Variants in GRID2 observed in about 807,000 individuals in gnomAD.
GRID2 encodes the protein glutamate ionotropic receptor delta type subunit 2.
Under a neutral mutation model 114.8 loss-of-function variants are expected in GRID2, and 33 were observed. The ratio of observed to expected loss-of-function variants is 0.29; its 90% CI spans 0.22 to 0.38. The LOEUF (loss-of-function observed/expected upper bound fraction) is 0.38. GRID2 is among the 10% of genes least tolerant of loss of function. The pLI is 1.00. For missense variants in GRID2, 1,184 were observed against 1,257.7 expected, an observed-to-expected ratio of 0.94 and a Z score of 0.89; for synonymous variants, 505 against 449.9, an observed-to-expected ratio of 1.12 and a Z score of -1.55.
At chr4:93,336,865 T>C (rs770970648) in intron 8 of GRID2, among the ~76,000 whole-genome samples, 3 of 152,092 alleles carry the variant, frequency 2.0e-5, no homozygotes, top group Admixed American at 6.5e-5. Context: ...GTTTGGTTCT[T>C]TATTTTTATT....
intron 14 of GRID2, among the ~76,000 whole-genome samples, chr4:93,694,350 C>T (rs1051622452): frequency 2.0e-5 from 3 of 152,148 alleles, no homozygotes; most frequent in African/African-American, 4.8e-5. Context: ...ATCAAGGTCT[C>T]ATTTAGCCTT....
chr4:93,281,335 C>G (rs1257258875), intron 8 of GRID2, among the ~76,000 whole-genome samples: 1 of 151,394 alleles, frequency 6.6e-6, no homozygotes, highest in African/African-American at 2.4e-5. Flanking sequence ...CCTTGAGTAA[C>G]GAAGACAAGG....
At chr4:92,506,863 C>G (rs1294072619) in intron 1 of GRID2, among the ~76,000 whole-genome samples, 2 of 151,940 alleles carry the variant, frequency 1.3e-5, no homozygotes, top group African/African-American at 4.8e-5. Flanking sequence ...TTGGCGTCAT[C>G]AGTTTCTGAA....
At chr4:93,301,472 G>A (rs992975764) in intron 8 of GRID2, among the ~76,000 whole-genome samples, 4 of 152,054 alleles carry the variant, frequency 2.6e-5, no homozygotes, top group African/African-American at 9.7e-5. Context: ...TTAGTAAAGA[G>A]ACTAAAAGCA....
At chr4:93,083,629 G>A (rs1274055097) in intron 2 of GRID2, among the ~76,000 whole-genome samples, 1 of 148,988 alleles carries the variant, frequency 6.7e-6, no homozygotes, top group Non-Finnish European at 1.5e-5. Context: ...CCAGGATGCG[G>A]AAGTTGCTGT....
At chr4:93,667,485 A>C (rs1724052983) in intron 14 of GRID2, among the ~76,000 whole-genome samples, 1 of 151,800 alleles carries the variant, frequency 6.6e-6, no homozygotes, top group African/African-American at 2.4e-5. Flanking sequence ...CCTTTGAAAA[A>C]GCATAATTCT....
chr4:93,646,077 C>T (rs1560855992), intron 14 of GRID2, among the ~76,000 whole-genome samples: 1 of 152,040 alleles, frequency 6.6e-6, no homozygotes, highest in African/African-American at 2.4e-5. Flanking sequence ...TTTGATTTAT[C>T]TAGAGATAAA....
At chr4:93,214,429 C>T (rs1263196166) in intron 5 of GRID2, among the ~76,000 whole-genome samples, 4 of 151,922 alleles carry the variant, frequency 2.6e-5, no homozygotes, top group East Asian at 1.9e-4. Context: ...TTTTGAAATG[C>T]GCAAGTAAAG....
At chr4:92,955,098 C>G (rs1304410056) in intron 2 of GRID2, among the ~76,000 whole-genome samples, 3 of 114,760 alleles carry the variant, frequency 2.6e-5, no homozygotes, top group African/African-American at 1.2e-4. Context: ...GTCTTTATAG[C>G]AGCATGATTT....
At chr4:92,875,005 A>G (rs1325769359) in intron 2 of GRID2, among the ~76,000 whole-genome samples, 1 of 152,172 alleles carries the variant, frequency 6.6e-6, no homozygotes, top group Non-Finnish European at 1.5e-5. Flanking sequence ...CCATAAAATC[A>G]GTAACATTTT....
chr4:92,903,387 C>A (rs1332798598), intron 2 of GRID2, among the ~76,000 whole-genome samples: 3 of 151,780 alleles, frequency 2.0e-5, no homozygotes, highest in African/African-American at 4.8e-5. Flanking sequence ...TTTCCATAAC[C>A]TTTTTTCTTA....
At chr4:93,039,921 G>T (rs116459041) in intron 2 of GRID2, among the ~76,000 whole-genome samples, 52 of 152,198 alleles carry the variant, frequency 3.4e-4, no homozygotes, top group African/African-American at 1.3e-3. Flanking sequence ...GCAAAAAGTT[G>T]GGCTACATAA....
chr4:93,617,620 A>AT lies in GRID2; in HGVS notation c.2194-8647dup, dbSNP rs1313997871. On this transcript the variant is annotated intron_variant, in intron 13 of 15. Transcript: ENST00000282020. ...ATATTCGGGTCATGCTGGCATTGGT[A>AT]TTATAATCATTCTCATTTTTATTAT... Among the ~76,000 whole-genome samples the AT allele has an allele frequency of 3.9e-5, 6 of 152,162 alleles. No homozygotes were observed. In the East Asian group the frequency reaches 1.2e-3, roughly 29 times the overall value.
At chr4:93,356,335 T>C (rs910359779) in intron 8 of GRID2, among the ~76,000 whole-genome samples, 2 of 152,054 alleles carry the variant, frequency 1.3e-5, no homozygotes, top group Non-Finnish European at 1.5e-5. Flanking sequence ...CATTTTAGGA[T>C]AAGCAATTTT....
chr4:92,969,219 A>G (rs2149168249), intron 2 of GRID2, among the ~76,000 whole-genome samples: 1 of 151,588 alleles, frequency 6.6e-6, no homozygotes, highest in Non-Finnish European at 1.5e-5. Flanking sequence ...CTAGATAGAG[A>G]TGGATGTAAA....
At chr4:93,351,929 T>C (rs1760841811) in intron 8 of GRID2, among the ~76,000 whole-genome samples, 1 of 151,978 alleles carries the variant, frequency 6.6e-6, no homozygotes, top group African/African-American at 2.4e-5. Flanking sequence ...CATTAACAGC[T>C]CCCAATGGAG....
rs886185779 is a variant in GRID2, at chr4:93,122,890, GTTTTTTTT to G, written c.735+11952_735+11959del. 1.1e-4 allele frequency among the ~76,000 whole-genome samples: 8 copies of G among 69,804 alleles called. No individual in the cohort carries two copies. In the Admixed American group the frequency reaches 1.5e-3, roughly 13 times the overall value. 45.8% of individuals were successfully genotyped at this position (69,804 alleles called of 152,430 possible). On this transcript the variant is annotated intron_variant, in intron 4 of 15. Coordinates refer to ENST00000282020, the MANE Select transcript of GRID2 (RefSeq NM_001510.4). ...GTTACTAGTCAATCCACAGATGTGG[GTTTTTTTT>G]TTTTTTTTTTTTTTGATGAGAAAGT...
chr4:93,111,334 C>T (rs920562374), intron 4 of GRID2, among the ~76,000 whole-genome samples: 1 of 152,142 alleles, frequency 6.6e-6, no homozygotes, highest in Non-Finnish European at 1.5e-5. Context: ...AAAATAATTA[C>T]TTGAATCAGG....
rs376157494 is a variant in GRID2, at chr4:92,884,744, G to C, written c.245-200251G>C. ...CTGAAGCCTCCTTTAATGTTCACTT[G>C]AAGGACTAATGGAATTGAGTGGAAG... On this transcript the variant is annotated intron_variant, in intron 2 of 15. Transcript: ENST00000282020. 2.5e-3 allele frequency: 651 copies of C among 256,734 alleles called. 25 individuals are homozygous for C. In the South Asian group the frequency reaches 0.029, roughly 12 times the overall value. 15.9% of individuals were successfully genotyped at this position (256,734 alleles called of 1,614,324 possible). A position where few individuals can be genotyped will look rare whatever the true frequency, so the allele number is the denominator to read the frequency against.
Sources: allele counts gnomAD v4.1 joint callset (sites outside exome capture counted in the v4.1 genomes callset), GRCh38; gene constraint gnomAD v4.1.1; transcripts MANE v1.5; gene names NCBI Gene and HGNC (gene_info 2026-07-23, HGNC 2026-07-21).